MKLN1: variants seen among roughly 807,000 people sequenced by gnomAD.
The protein encoded by MKLN1 is muskelin.
Under a neutral mutation model 99.0 loss-of-function variants are expected in MKLN1, and 18 were observed. That is an observed-to-expected ratio of 0.18 (90% CI 0.13 to 0.27). The LOEUF is 0.27. MKLN1 is among the 10% of genes least tolerant of loss of function. The pLI is 1.00. For missense variants in MKLN1, 621 were observed against 875.9 expected, an observed-to-expected ratio of 0.71 and a Z score of 3.67; for synonymous variants, 288 against 293.2, an observed-to-expected ratio of 0.98 and a Z score of 0.18.
intron 12 of MKLN1, among the ~76,000 whole-genome samples, chr7:131,462,412 T>C (rs1321035986): frequency 6.6e-6 from 1 of 152,246 alleles, no homozygotes; most frequent in African/African-American, 2.4e-5. Flanking sequence ...TAAGCAACGC[T>C]GCGTTTTACC....
intron 3 of MKLN1, among the ~76,000 whole-genome samples, chr7:131,205,165 T>G (rs1370843238): frequency 6.6e-6 from 1 of 151,798 alleles, no homozygotes; most frequent in Non-Finnish European, 1.5e-5. Flanking sequence ...AATTCCATGC[T>G]CTAGACCTTT....
intron 3 of MKLN1, among the ~76,000 whole-genome samples, chr7:131,251,326 G>A (rs1007661513): frequency 2.6e-5 from 4 of 152,118 alleles, no homozygotes; most frequent in Non-Finnish European, 2.9e-5. Context: ...ACTGCCTACC[G>A]GGCAGGGTGA....
At chr7:131,303,478 T>A (rs1465709553) in intron 3 of MKLN1, among the ~76,000 whole-genome samples, 1 of 152,236 alleles carries the variant, frequency 6.6e-6, no homozygotes, top group Non-Finnish European at 1.5e-5. Flanking sequence ...TTTTGTTTGT[T>A]CGTTTTGGCA....
intron 6 of MKLN1, among the ~76,000 whole-genome samples, chr7:131,402,947 G>A (rs1232820831): frequency 1.3e-5 from 2 of 152,062 alleles, no homozygotes; most frequent in Non-Finnish European, 2.9e-5. Flanking sequence ...TAGTAAATGA[G>A]CATTGACTTC....
At chr7:131,218,346 A>G (rs1979566) in intron 3 of MKLN1, among the ~76,000 whole-genome samples, 14,557 of 152,248 alleles carry the variant, frequency 0.096, 848 homozygotes, top group Admixed American at 0.15. Context: ...AATTATGTGT[A>G]TATCTTAGCA....
intron 2 of MKLN1, among the ~76,000 whole-genome samples, chr7:131,199,334 T>C (rs1318543261): frequency 1.3e-5 from 2 of 151,060 alleles, no homozygotes; most frequent in Non-Finnish European, 1.5e-5. Context: ...ATTAGCTCAC[T>C]GTAACCTCGA....
intron 3 of MKLN1, among the ~76,000 whole-genome samples, chr7:131,311,912 A>G (rs771845773): frequency 6.6e-6 from 1 of 152,152 alleles, no homozygotes; most frequent in Non-Finnish European, 1.5e-5. Context: ...GAGAAAACCA[A>G]ATTTTACTTT....
At chr7:131,205,151 C>G (rs1030014063) in intron 3 of MKLN1, among the ~76,000 whole-genome samples, 26 of 151,970 alleles carry the variant, frequency 1.7e-4, no homozygotes, top group Non-Finnish European at 2.9e-5. Context: ...CCCTCTGCAG[C>G]AACAATTCCA....
At chr7:131,327,823 T>G, upstream of MKLN1, 1 of 1,559,026 alleles carries the variant, frequency 6.4e-7, no homozygotes, top group Non-Finnish European at 8.6e-7. Flanking sequence ...GGCGGCCCCT[T>G]TAAGAGCAGG....
At chr7:131,409,240 G>A (rs1794798693) in intron 6 of MKLN1, among the ~76,000 whole-genome samples, 1 of 152,208 alleles carries the variant, frequency 6.6e-6, no homozygotes, top group Admixed American at 6.5e-5. Flanking sequence ...TATATCTAAA[G>A]CAAGCCTACC....
At chr7:131,413,352 C>T (rs996795308) in intron 7 of MKLN1, among the ~76,000 whole-genome samples, 2 of 152,070 alleles carry the variant, frequency 1.3e-5, no homozygotes, top group African/African-American at 4.8e-5. Context: ...TCATAGCACC[C>T]TTGTAAAATT....
chr7:131,295,927 T>G lies in MKLN1; in HGVS notation c.-178-79497T>G, dbSNP rs73153459. Among the ~76,000 whole-genome samples the G allele has an allele frequency of 4.3e-3, 650 of 151,800 alleles. 1 individual carries two copies. The highest frequency in any genetic ancestry group is 7.1e-3 in the Non-Finnish European group (481 of 67,932). On this transcript the variant is annotated intron_variant, in intron 3 of 7. Transcript: ENST00000416992. ...AAAAACACTTGAAAAAATACTTAGC[T>G]TCATTAGTGCTTAGAAAAATGCAGG...
At chr7:131,270,984 C>A (rs983130193) in intron 3 of MKLN1, among the ~76,000 whole-genome samples, 1 of 151,416 alleles carries the variant, frequency 6.6e-6, no homozygotes, top group Non-Finnish European at 1.5e-5. Context: ...TATTTATATT[C>A]ATTCATTTGT....
At chr7:131,132,436 A>G (rs1795565059) in intron 1 of MKLN1, among the ~76,000 whole-genome samples, 1 of 152,232 alleles carries the variant, frequency 6.6e-6, no homozygotes, top group African/African-American at 2.4e-5. Flanking sequence ...AAAGACACAT[A>G]TACATACATA....
chr7:131,402,105 T>G (rs191798533), intron 6 of MKLN1, among the ~76,000 whole-genome samples: 89 of 152,348 alleles, frequency 5.8e-4, no homozygotes, highest in African/African-American at 2.0e-3. Flanking sequence ...ACAATAGAAC[T>G]TCTTTCAAAA....
chr7:131,401,209 G>A (rs991571431), intron 6 of MKLN1, among the ~76,000 whole-genome samples: 1 of 152,238 alleles, frequency 6.6e-6, no homozygotes, highest in East Asian at 1.9e-4. Flanking sequence ...TGATCTTTAA[G>A]TATTTTCTGT....
intron 8 of MKLN1, among the ~76,000 whole-genome samples, chr7:131,424,944 T>G (rs1795315527): frequency 6.6e-6 from 1 of 152,226 alleles, no homozygotes; most frequent in Non-Finnish European, 1.5e-5. Context: ...ATTTAATCCC[T>G]TCCATGATCT....
chr7:131,393,561 A>G (rs1026689090), intron 4 of MKLN1, among the ~76,000 whole-genome samples: 2 of 152,210 alleles, frequency 1.3e-5, no homozygotes, highest in South Asian at 2.1e-4. Context: ...AAATATTTCT[A>G]TTGGACCATT....
chr7:131,338,354 G>A (rs1799309651), intron 1 of MKLN1, among the ~76,000 whole-genome samples: 1 of 152,226 alleles, frequency 6.6e-6, no homozygotes, highest in Non-Finnish European at 1.5e-5. Context: ...AAGCTTTGCT[G>A]ACTTCTCTGC....
Sources: gnomAD v4.1 joint callset for allele counts (sites outside exome capture counted in the v4.1 genomes callset) on GRCh38, gnomAD v4.1.1 for gene constraint, MANE v1.5 for transcripts, NCBI Gene and HGNC (gene_info 2026-07-23, HGNC 2026-07-21) for gene names.